ADARB2: variants seen among roughly 807,000 people sequenced by gnomAD.
ADARB2 encodes inactive double-stranded RNA-specific editase B2.
A neutral mutation model predicts 62.2 loss-of-function variants in ADARB2; 25 were observed. That is an observed-to-expected ratio of 0.40 (90% CI 0.29 to 0.56). The LOEUF is 0.56. Ranked by LOEUF, ADARB2 falls within the 20% of genes least tolerant of loss-of-function variation. ADARB2 has a pLI of 0.43. For synonymous variants in ADARB2, 572 were observed against 500.8 expected (o/e 1.14, Z -1.90); for missense variants, 1,071 against 1,077.4 (o/e 0.99, Z 0.08).
chr10:1,186,946 C>T lies in ADARB2; in HGVS notation c.1865-1907G>A, dbSNP rs76394618. Among the ~76,000 whole-genome samples, 1,429 of 152,332 alleles carry T rather than the reference C, an allele frequency of 9.4e-3. 26 individuals carry two copies. The highest frequency in any genetic ancestry group is 0.039 in the East Asian group (202 of 5,172). ...AGGCTTCATTTAAATTCGGGGAAGA[C>T]CCACTGACTACAGAGTTGCACAGCC... On this transcript the variant is annotated intron_variant, in intron 8 of 9. Coordinates refer to ENST00000381312, the MANE Select transcript of ADARB2 (RefSeq NM_018702.4).
At chr10:1,427,624 T>A (rs1165299244) in intron 1 of ADARB2, among the ~76,000 whole-genome samples, 1 of 152,190 alleles carries the variant, frequency 6.6e-6, no homozygotes, top group Non-Finnish European at 1.5e-5. Context: ...ACGTTGCTGG[T>A]GGGAAAGTAA....
intron 3 of ADARB2, among the ~76,000 whole-genome samples, chr10:1,350,366 C>T (rs1339222557): frequency 1.3e-5 from 2 of 152,178 alleles, no homozygotes; most frequent in African/African-American, 4.8e-5. Flanking sequence ...ACAGACCCAT[C>T]TGACCCCTCC....
intron 1 of ADARB2, among the ~76,000 whole-genome samples, chr10:1,463,120 T>C (rs1220353690): frequency 6.6e-6 from 1 of 152,018 alleles, no homozygotes; most frequent in Non-Finnish European, 1.5e-5. Flanking sequence ...TTGTGGGCCA[T>C]TGAGAAGGAC....
chr10:1,353,622 C>A (rs184167381), intron 3 of ADARB2, among the ~76,000 whole-genome samples: 1 of 152,088 alleles, frequency 6.6e-6, no homozygotes, highest in African/African-American at 2.4e-5. Flanking sequence ...GGACCTCTCA[C>A]GACACAAACT....
chr10:1,544,956 T>TATATACACACACACACACAC (rs10526252), intron 1 of ADARB2, among the ~76,000 whole-genome samples: 16 of 133,934 alleles, frequency 1.2e-4, no homozygotes, highest in Middle Eastern at 3.9e-3. Context: ...TAGCAAAGTA[T>TATATACACACACACACACAC]ACACACACAC....
intron 1 of ADARB2, among the ~76,000 whole-genome samples, chr10:1,494,222 A>G (rs149194126): frequency 3.2e-4 from 49 of 152,306 alleles, no homozygotes; most frequent in African/African-American, 1.1e-3. Context: ...TTTTTCTCCT[A>G]TAAATAGACT....
In ADARB2 at chr10:1,343,937, G is replaced by T. The variant is rs147809587; in HGVS notation, c.1077+19091C>A. ...CTCTCGGGCACTGTGCTAATCACAT[G>T]GGTAACAAAACAATCTGTACACCAA... is the stretch of plus-strand genomic sequence containing the variant. On this transcript the variant is annotated intron_variant, in intron 3 of 9. Transcript: ENST00000381312. 1.1e-4 allele frequency among the ~76,000 whole-genome samples: 16 copies of T among 152,222 alleles called. No individual in the cohort carries two copies. The East Asian group carries it at 3.1e-3, about 29-fold the overall frequency.
intron 1 of ADARB2, among the ~76,000 whole-genome samples, chr10:1,391,420 G>C (rs774502067): frequency 6.6e-6 from 1 of 152,096 alleles, no homozygotes; most frequent in South Asian, 2.1e-4. Flanking sequence ...GCTGTTCTCC[G>C]GGTCTCTAAG....
At chr10:1,537,970 A>G (rs924613323) in intron 1 of ADARB2, among the ~76,000 whole-genome samples, 3 of 152,238 alleles carry the variant, frequency 2.0e-5, no homozygotes, top group Non-Finnish European at 4.4e-5. Context: ...CCTGGAACTT[A>G]GAGTAAAAAA....
At chr10:1,715,612 T>G (rs1835007577) in intron 1 of ADARB2, among the ~76,000 whole-genome samples, 1 of 152,202 alleles carries the variant, frequency 6.6e-6, no homozygotes, top group Non-Finnish European at 1.5e-5. Context: ...TCTTCTATCA[T>G]CTTACAAAGG....
intron 1 of ADARB2, among the ~76,000 whole-genome samples, chr10:1,711,147 C>G (rs1013040164): frequency 2.0e-5 from 3 of 152,168 alleles, no homozygotes; most frequent in African/African-American, 4.8e-5. Context: ...GGATGCCAGG[C>G]AGCCCCATCT....
chr10:1,381,782 A>C (rs888794502), intron 1 of ADARB2, among the ~76,000 whole-genome samples: 11 of 152,212 alleles, frequency 7.2e-5, no homozygotes, highest in African/African-American at 2.7e-4. Flanking sequence ...CGTGGAATCT[A>C]AAAAAGTTGA....
intron 7 of ADARB2, among the ~76,000 whole-genome samples, chr10:1,213,959 C>T (rs1012178174): frequency 2.1e-5 from 3 of 145,224 alleles, no homozygotes; most frequent in Non-Finnish European, 4.5e-5. Context: ...TGGGTTTGCA[C>T]GTGTCCAGCA....
chr10:1,194,579 C>T (rs7081523), intron 8 of ADARB2, among the ~76,000 whole-genome samples: 33,737 of 152,080 alleles, frequency 0.22, 4,659 homozygotes, highest in African/African-American at 0.37. Context: ...CATCCATCCT[C>T]CATATATCAT....
At chr10:1,296,367 C>G (rs539269866) in intron 3 of ADARB2, among the ~76,000 whole-genome samples, 1 of 152,360 alleles carries the variant, frequency 6.6e-6, no homozygotes, top group African/African-American at 2.4e-5. Flanking sequence ...TCATTCCCCA[C>G]TGCTGGTCTC....
chr10:1,360,762 G>A (rs983512989), intron 3 of ADARB2, among the ~76,000 whole-genome samples: 3 of 152,188 alleles, frequency 2.0e-5, no homozygotes, highest in Non-Finnish European at 2.9e-5. Context: ...TCATCCAGTC[G>A]GGGTGGTTAG....
chr10:1,565,817 C>T (rs1331901420), intron 1 of ADARB2, among the ~76,000 whole-genome samples: 1 of 152,050 alleles, frequency 6.6e-6, no homozygotes, highest in Non-Finnish European at 1.5e-5. Flanking sequence ...AGGGACATTT[C>T]GGTCATCTGT....
At chr10:1,562,544 G>GT (rs1302756478) in intron 1 of ADARB2, among the ~76,000 whole-genome samples, 3 of 152,212 alleles carry the variant, frequency 2.0e-5, no homozygotes, top group Non-Finnish European at 4.4e-5. Flanking sequence ...GTACATGCCA[G>GT]TTACGATCTG....
chr10:1,222,277 T>C (rs529034511), intron 6 of ADARB2, among the ~76,000 whole-genome samples: 59 of 152,364 alleles, frequency 3.9e-4, no homozygotes, highest in African/African-American at 1.4e-3. Context: ...TTTTTTCTTG[T>C]AAATTTGTTT....
Sources: allele counts gnomAD v4.1 joint callset (sites outside exome capture counted in the v4.1 genomes callset), GRCh38; gene constraint gnomAD v4.1.1; transcripts MANE v1.5; gene names NCBI Gene and HGNC (gene_info 2026-07-23, HGNC 2026-07-21).